Variants in SDC3 observed in about 807,000 individuals in gnomAD.
SDC3 encodes syndecan 3.
SDC3 carries 13 observed loss-of-function variants against 24.4 expected under a neutral mutation model. That is an observed-to-expected ratio of 0.53 (90% CI 0.35 to 0.85). SDC3 has a LOEUF of 0.85. SDC3 is among the 40% of genes least tolerant of loss of function. The pLI is 0.01. For synonymous variants in SDC3, 295 were observed against 260.9 expected (o/e 1.13, Z -1.26); for missense variants, 571 against 584.5 (o/e 0.98, Z 0.24).
chr1:30,894,412 G>T (rs1324675373), intron 1 of SDC3, among the ~76,000 whole-genome samples: 2 of 120,606 alleles, frequency 1.7e-5, no homozygotes, highest in African/African-American at 6.6e-5. Flanking sequence ...GAGAATGTGT[G>T]TGTGGGGGTG....
At chr1:30,903,690 G>A (rs529149519) in intron 1 of SDC3, among the ~76,000 whole-genome samples, 33 of 152,146 alleles carry the variant, frequency 2.2e-4, no homozygotes, top group African/African-American at 5.8e-4. Context: ...GCCCCACCCC[G>A]CCAGAAGAGC....
chr1:30,882,845 T>C (rs916734527), intron 1 of SDC3, among the ~76,000 whole-genome samples: 2 of 152,158 alleles, frequency 1.3e-5, no homozygotes, highest in Admixed American at 6.5e-5. Flanking sequence ...TACTACCCGG[T>C]TGGCTGTCAG....
chr1:30,895,619 C>T (rs1639988476), intron 1 of SDC3, among the ~76,000 whole-genome samples: 1 of 152,182 alleles, frequency 6.6e-6, no homozygotes, highest in Admixed American at 6.5e-5. Context: ...GGGACGGATG[C>T]AGGGAACTGT....
rs1395557717 is a variant in SDC3 at position 30,876,497 on chromosome 1, C to T, written c.870+55G>A. On this transcript the variant is annotated intron_variant, in intron 3 of 4. Transcript: ENST00000339394. ...CTGTCCAGCCCCATCCTCCTCATCC[C>T]TCCCCTGACCCACCCTCCTCCGCCC... 2.8e-6 allele frequency: 4 copies of T among 1,427,492 alleles called. No homozygotes were observed. The East Asian group carries it at 7.0e-5, about 25-fold the overall frequency. 88.4% of individuals were successfully genotyped at this position (1,427,492 alleles called of 1,614,324 possible).
At chr1:30,896,255 G>A (rs1464593973) in intron 1 of SDC3, among the ~76,000 whole-genome samples, 1 of 152,210 alleles carries the variant, frequency 6.6e-6, no homozygotes, top group Admixed American at 6.5e-5. Context: ...AGTACCATGT[G>A]TGAGGGTTGG....
chr1:30,906,437 C>T (rs925418512), intron 1 of SDC3, among the ~76,000 whole-genome samples: 2 of 152,170 alleles, frequency 1.3e-5, no homozygotes, highest in Non-Finnish European at 2.9e-5. Flanking sequence ...TGTTGCGAGG[C>T]CCTACTGTGC....
In SDC3 at chr1:30,872,237, T is replaced by C. The variant is rs1309272780; in HGVS notation, c.*974A>G. On this transcript the variant is annotated 3_prime_UTR_variant, in exon 5 of 5. Transcript: ENST00000339394. Reference sequence around the variant, plus strand: ...GTAAGCCTGAAAGCTGGAGACAATGTGTGTGGTGCCAGAGTGTGGGTGTAT... The same window carrying C: ...GTAAGCCTGAAAGCTGGAGACAATGCGTGTGGTGCCAGAGTGTGGGTGTAT... The C allele has an allele frequency of 2.0e-5, 3 of 152,266 alleles. No homozygotes were observed. Among genetic ancestry groups the C allele is most frequent in the Admixed American group, 6.5e-5 (1 of 15,280 alleles). The allele number at this position is 152,266 out of a possible 1,614,324, so 9.4% of individuals were successfully genotyped here.
chr1:30,894,161 G>C (rs191839230), intron 1 of SDC3, among the ~76,000 whole-genome samples: 6 of 142,186 alleles, frequency 4.2e-5, no homozygotes, highest in Admixed American at 1.5e-4. Context: ...GTGAGTGTGC[G>C]TGTGTGTGAG....
At chr1:30,882,138 C>G (rs902852384) in intron 1 of SDC3, among the ~76,000 whole-genome samples, 6 of 152,296 alleles carry the variant, frequency 3.9e-5, no homozygotes, top group African/African-American at 7.2e-5. Flanking sequence ...TGAACCTGCC[C>G]CAGCAGACAT....
At chr1:30,901,628 C>A (rs1283109238) in intron 1 of SDC3, among the ~76,000 whole-genome samples, 1 of 152,040 alleles carries the variant, frequency 6.6e-6, no homozygotes, top group Admixed American at 6.5e-5. Context: ...ACTGGGAGTC[C>A]GGCCCTTGGT....
chr1:30,875,202 A>C (rs879829677), intron 3 of SDC3, among the ~76,000 whole-genome samples: 2 of 152,156 alleles, frequency 1.3e-5, no homozygotes, highest in Non-Finnish European at 2.9e-5. Context: ...GGGCTGTGGG[A>C]GCCATCAGAG....
chr1:30,890,180 C>T (rs536746825), intron 1 of SDC3, among the ~76,000 whole-genome samples: 33 of 152,180 alleles, frequency 2.2e-4, no homozygotes, highest in African/African-American at 7.0e-4. Context: ...TGTGGTGGCA[C>T]GTGCCTGTAG....
At position 30,869,483 on chromosome 1, in the gene SDC3, T is replaced by C; in HGVS notation, c.*3728A>G. ...ACGGCACATCATTTCAGCTTAATTT[T>C]ATTTCCTCTTATAAATGGGCACAGC... is the stretch of plus-strand genomic sequence containing the variant. On this transcript the variant is annotated 3_prime_UTR_variant, in exon 5 of 5. Coordinates refer to ENST00000339394, the MANE Select transcript of SDC3 (RefSeq NM_014654.4). 1 of 396,416 alleles carries C rather than the reference T, an allele frequency of 2.5e-6. No individual in the cohort carries two copies. The highest frequency in any genetic ancestry group is 4.4e-6 in the Non-Finnish European group (1 of 225,758). 24.6% of individuals were successfully genotyped at this position (396,416 alleles called of 1,614,324 possible).
chr1:30,900,596 C>G (rs1638396166), intron 1 of SDC3, among the ~76,000 whole-genome samples: 1 of 152,104 alleles, frequency 6.6e-6, no homozygotes, highest in Non-Finnish European at 1.5e-5. Context: ...CTCCCCCCAG[C>G]TCTCCAGGAG....
intron 1 of SDC3, chr1:30,879,072 C>A: frequency 4.3e-6 from 1 of 230,846 alleles, no homozygotes; most frequent in South Asian, 7.5e-5. Context: ...CTCTGAGCAG[C>A]CGCAATGTTG....
upstream of SDC3, among the ~76,000 whole-genome samples, chr1:30,909,171 C>T (rs1638601403): frequency 6.6e-6 from 1 of 152,210 alleles, no homozygotes; most frequent in South Asian, 2.1e-4. Flanking sequence ...TCTTCCTGGA[C>T]TCCCATCGTC....
intron 1 of SDC3, among the ~76,000 whole-genome samples, chr1:30,901,509 G>A (rs1273393795): frequency 6.6e-6 from 1 of 152,158 alleles, no homozygotes; most frequent in African/African-American, 2.4e-5. Context: ...CATCATGCAG[G>A]ATGGACTGCA....
In SDC3 at chr1:30,874,539, A is replaced by C. The variant is rs1639605554; in HGVS notation, c.920T>G (p.Val307Gly). 6.2e-7 allele frequency: 1 copy of C among 1,613,868 alleles called. No individual in the cohort carries two copies. Among genetic ancestry groups the C allele is most frequent in the Non-Finnish European group, 8.5e-7 (1 of 1,179,978 alleles). ...FLTTIRDEPEVPVSGGPSGDF... is the reference protein window; with the variant it reads ...FLTTIRDEPEGPVSGGPSGDF... ...TCCACTGGGCCCCCCACTCACCGGA[A>C]CCTCTGGCTCATCCCGGATTGTGGT... The change falls in exon 4 of 5, where the codon GTT (valine) becomes GGT (glycine). Residue 307 changes from valine (V) to glycine (G), a missense_variant. By Grantham distance (109) the Val-to-Gly change is moderately radical (BLOSUM62 -3). Coordinates refer to ENST00000339394, the MANE Select transcript of SDC3 (RefSeq NM_014654.4).
At position 30,907,130 on chromosome 1, in the gene SDC3, G is replaced by A. The variant is rs546703041; in HGVS notation, c.138+1319C>T. On this transcript the variant is annotated intron_variant, in intron 1 of 4. Transcript: ENST00000339394. ...GAAGGAACTTGCAGAGGGCGGCTGGGCACCCAGTGTTGCTTGAGAGGCCTG... is the reference window on the plus strand; with the variant it reads ...GAAGGAACTTGCAGAGGGCGGCTGGACACCCAGTGTTGCTTGAGAGGCCTG... Among the ~76,000 whole-genome samples, 71 of 152,338 alleles carry A rather than the reference G, an allele frequency of 4.7e-4. 1 individual carries two copies. The highest frequency in any genetic ancestry group is 1.5e-3 in the African/African-American group (64 of 41,572).
Sources: allele counts gnomAD v4.1 joint callset (sites outside exome capture counted in the v4.1 genomes callset), GRCh38; gene constraint gnomAD v4.1.1; transcripts MANE v1.5; gene names NCBI Gene and HGNC (gene_info 2026-07-23, HGNC 2026-07-21).